GRIA4: variants seen among roughly 807,000 people sequenced by gnomAD.
The protein encoded by GRIA4 is glutamate receptor 4.
A neutral mutation model predicts 104.0 loss-of-function variants in GRIA4; 34 were observed. That is an observed-to-expected ratio of 0.33 (90% CI 0.25 to 0.44). The LOEUF (loss-of-function observed/expected upper bound fraction) is 0.44, where lower values mean the gene tolerates loss of function less well. Among genes scored for constraint, GRIA4 ranks in the 20% least tolerant of loss-of-function variants. The pLI, the probability that GRIA4 is intolerant of heterozygous loss-of-function variation, is 1.00. For synonymous variants in GRIA4, 386 were observed against 381.9 expected (o/e 1.01, Z -0.13); for missense variants, 750 against 1,096.5 (o/e 0.68, Z 4.46).
intron 4 of GRIA4, among the ~76,000 whole-genome samples, chr11:105,800,145 T>TA (rs1942659022): frequency 6.6e-6 from 1 of 152,106 alleles, no homozygotes; most frequent in Admixed American, 6.6e-5. Flanking sequence ...AAAGGATTCT[T>TA]AGAGTATAGC....
intron 3 of GRIA4, among the ~76,000 whole-genome samples, chr11:105,627,940 C>T (rs1012449393): frequency 6.6e-6 from 1 of 152,142 alleles, no homozygotes; most frequent in African/African-American, 2.4e-5. Flanking sequence ...ATTTAGTTGG[C>T]ACAAATAAGA....
rs776741495 is a variant in GRIA4 at position 105,747,206 on chromosome 11, G to GAT, written c.248-5773_248-5772dup. Among the ~76,000 whole-genome samples, 388 of 152,190 alleles carry GAT rather than the reference G, an allele frequency of 2.5e-3. 3 individuals are homozygous for GAT. Among genetic ancestry groups the GAT allele is most frequent in the Non-Finnish European group, 3.3e-3 (224 of 68,006 alleles). On this transcript the variant is annotated intron_variant, in intron 3 of 16. Transcript: ENST00000282499. ...TACAAAAACATATTGGAATAATTGG[G>GAT]ATAAGTAAATGCAAAAACACTTTGG...
At chr11:105,715,936 G>A (rs924755911) in intron 3 of GRIA4, among the ~76,000 whole-genome samples, 5 of 152,134 alleles carry the variant, frequency 3.3e-5, no homozygotes, top group East Asian at 1.9e-4. Context: ...AATGCCCAAC[G>A]GGAAAGACTT....
intron 5 of GRIA4, among the ~76,000 whole-genome samples, chr11:105,878,838 G>C (rs184187698): frequency 5.3e-5 from 8 of 152,180 alleles, no homozygotes; most frequent in Non-Finnish European, 1.2e-4. Flanking sequence ...CCGTAGGGGT[G>C]GGATCCACTG....
In GRIA4 at chr11:105,710,968, AT is replaced by A. The variant is rs1005666390; in HGVS notation, c.248-42005del. ...GCCCTAGCAATAAAATCTCAGAATTATTTTTTTTCTTGGTGGAGCCATTAAG... is the reference window on the plus strand; with the variant it reads ...GCCCTAGCAATAAAATCTCAGAATTATTTTTTTCTTGGTGGAGCCATTAAG... On this transcript the variant is annotated intron_variant, in intron 3 of 16. Coordinates refer to ENST00000282499, the MANE Select transcript of GRIA4 (RefSeq NM_000829.4). Among the ~76,000 whole-genome samples, 150 of 151,758 alleles carry A rather than the reference AT, an allele frequency of 9.9e-4. 1 individual carries two copies. Among genetic ancestry groups the A allele is most frequent in the African/African-American group, 3.1e-3 (127 of 41,406 alleles).
At chr11:105,967,185 A>ATGG (rs1555060240) in intron 14 of GRIA4, among the ~76,000 whole-genome samples, 1 of 152,100 alleles carries the variant, frequency 6.6e-6, no homozygotes, top group East Asian at 1.9e-4. Flanking sequence ...TCAAATTTTT[A>ATGG]TTATCACAAA....
At chr11:105,666,565 G>T (rs908454117) in intron 3 of GRIA4, among the ~76,000 whole-genome samples, 2 of 151,812 alleles carry the variant, frequency 1.3e-5, no homozygotes, top group African/African-American at 4.8e-5. Context: ...TAAACTCTTA[G>T]TAAATGATTA....
chr11:105,723,138 T>C (rs1937946828), intron 3 of GRIA4, among the ~76,000 whole-genome samples: 1 of 141,692 alleles, frequency 7.1e-6, no homozygotes, highest in Admixed American at 7.4e-5. Flanking sequence ...CCTAATTACA[T>C]ACAAACATCT....
chr11:105,917,928 T>C (rs2136182629), intron 10 of GRIA4, among the ~76,000 whole-genome samples: 1 of 151,900 alleles, frequency 6.6e-6, no homozygotes, highest in African/African-American at 2.4e-5. Context: ...ACCATAATTA[T>C]TCATCAAATT....
chr11:105,736,179 G>A (rs1186411522), intron 3 of GRIA4, among the ~76,000 whole-genome samples: 1 of 152,116 alleles, frequency 6.6e-6, no homozygotes, highest in Non-Finnish European at 1.5e-5. Flanking sequence ...ATTTTGGGAT[G>A]ACAGTGGCAC....
intron 3 of GRIA4, among the ~76,000 whole-genome samples, chr11:105,631,363 C>A (rs1951031416): frequency 6.6e-6 from 1 of 152,164 alleles, no homozygotes; most frequent in African/African-American, 2.4e-5. Context: ...ATTACCCAGA[C>A]TAATTTGATT....
chr11:105,850,502 A>G (rs1487114689), intron 4 of GRIA4, among the ~76,000 whole-genome samples: 1 of 152,214 alleles, frequency 6.6e-6, no homozygotes, highest in Non-Finnish European at 1.5e-5. Flanking sequence ...TTTTGACTAA[A>G]GTCAACCTAA....
chr11:105,951,890 G>A (rs1018154092), intron 14 of GRIA4, among the ~76,000 whole-genome samples: 10 of 152,212 alleles, frequency 6.6e-5, no homozygotes, highest in African/African-American at 2.2e-4. Context: ...TGAGCCTCGG[G>A]AGGTCAGGGC....
At chr11:105,761,081 C>T (rs537396008) in intron 4 of GRIA4, among the ~76,000 whole-genome samples, 84 of 152,224 alleles carry the variant, frequency 5.5e-4, no homozygotes, top group African/African-American at 1.8e-3. Context: ...AAATCTCCCA[C>T]CTTGGTCACA....
At chr11:105,757,759 A>G (rs939788899) in intron 4 of GRIA4, among the ~76,000 whole-genome samples, 1 of 152,126 alleles carries the variant, frequency 6.6e-6, no homozygotes, top group Middle Eastern at 3.2e-3. Context: ...CAGGTACTGA[A>G]TATGAGATGA....
At chr11:105,865,538 C>T (rs1945374671) in intron 5 of GRIA4, among the ~76,000 whole-genome samples, 1 of 152,070 alleles carries the variant, frequency 6.6e-6, no homozygotes, top group Non-Finnish European at 1.5e-5. Flanking sequence ...TAATTTTCTT[C>T]CTATAACAAA....
rs1859271800 is a variant in GRIA4, at chr11:105,982,082, T to C, written c.*2343T>C. 1 of 152,594 alleles carries C rather than the reference T, an allele frequency of 6.6e-6. No individual in the cohort carries two copies. The highest frequency in any genetic ancestry group is 1.5e-5 in the Non-Finnish European group (1 of 68,038). The allele number at this position is 152,594 out of a possible 1,614,324, so 9.5% of individuals were successfully genotyped here. ...ATTGTAGGTGCTTAATAAATATTTGTTGAATGAATGAGTGAATTGAATTGA... is the reference window on the plus strand; with the variant it reads ...ATTGTAGGTGCTTAATAAATATTTGCTGAATGAATGAGTGAATTGAATTGA... On this transcript the variant is annotated 3_prime_UTR_variant, in exon 17 of 17. Coordinates refer to ENST00000282499, the MANE Select transcript of GRIA4 (RefSeq NM_000829.4).
chr11:105,864,279 A>G (rs555022200), intron 5 of GRIA4, among the ~76,000 whole-genome samples: 9 of 152,186 alleles, frequency 5.9e-5, no homozygotes, highest in African/African-American at 9.6e-5. Flanking sequence ...AAATGAAACA[A>G]CTTTCAATGT....
At chr11:105,656,991 A>C (rs1951863433) in intron 3 of GRIA4, among the ~76,000 whole-genome samples, 2 of 152,052 alleles carry the variant, frequency 1.3e-5, no homozygotes, top group African/African-American at 4.8e-5. Context: ...TCCTGAGTAT[A>C]AACTACCATA....
Sources: gnomAD v4.1 joint callset for allele counts (sites outside exome capture counted in the v4.1 genomes callset) on GRCh38, gnomAD v4.1.1 for gene constraint, MANE v1.5 for transcripts, NCBI Gene and HGNC (gene_info 2026-07-23, HGNC 2026-07-21) for gene names.